GPR158: variants seen among roughly 807,000 people sequenced by gnomAD.
GPR158 encodes metabotropic glycine receptor.
Under a neutral mutation model 78.2 loss-of-function variants are expected in GPR158, and 30 were observed. The ratio of observed to expected loss-of-function variants is 0.38; its 90% CI spans 0.29 to 0.52. GPR158 has a LOEUF of 0.52. Ranked by LOEUF, GPR158 falls within the 20% of genes least tolerant of loss-of-function variation. The probability of loss-of-function intolerance (pLI) is 0.83; values close to 1 mark genes in which losing one functional copy is unlikely to be tolerated. For missense variants in GPR158, 1,463 were observed against 1,523.5 expected (o/e 0.96, Z 0.66); for synonymous variants, 581 against 591.1 (o/e 0.98, Z 0.25).
At chr10:25,274,910 C>T (rs995645831) in intron 2 of GPR158, among the ~76,000 whole-genome samples, 1 of 152,094 alleles carries the variant, frequency 6.6e-6, no homozygotes, top group African/African-American at 2.4e-5. Flanking sequence ...TCTATAAATG[C>T]TGAGTTACGG....
intron 6 of GPR158, among the ~76,000 whole-genome samples, chr10:25,568,244 C>T (rs1422685662): frequency 6.6e-6 from 1 of 152,128 alleles, no homozygotes; most frequent in Admixed American, 6.6e-5. Context: ...GTGGGACTTG[C>T]TGGCATATAG....
At chr10:25,567,084 C>T (rs921300337) in intron 6 of GPR158, among the ~76,000 whole-genome samples, 2 of 152,108 alleles carry the variant, frequency 1.3e-5, no homozygotes, top group Non-Finnish European at 2.9e-5. Context: ...AGGATTATTC[C>T]AATTAAGGTA....
chr10:25,268,544 G>A lies in GPR158; in HGVS notation c.1008+47387G>A, dbSNP rs368172210. Among the ~76,000 whole-genome samples the A allele has an allele frequency of 3.5e-3, 526 of 152,106 alleles. 1 individual carries two copies. The highest frequency in any genetic ancestry group is 0.014 in the Middle Eastern group (4 of 294). Reference sequence around the variant, plus strand: ...GGACCTCCCCCAAAAACTCTGAATCGGTATTCTCAATGAACAGCTTTAAAA... The same window carrying A: ...GGACCTCCCCCAAAAACTCTGAATCAGTATTCTCAATGAACAGCTTTAAAA... On this transcript the variant is annotated intron_variant, in intron 2 of 10. Coordinates refer to ENST00000376351, the MANE Select transcript of GPR158 (RefSeq NM_020752.3).
chr10:25,270,337 T>C (rs1282847014), intron 2 of GPR158, among the ~76,000 whole-genome samples: 3 of 152,176 alleles, frequency 2.0e-5, no homozygotes, highest in African/African-American at 7.2e-5. Flanking sequence ...GATTTTTTTT[T>C]CCTCCGATGT....
chr10:25,317,921 G>C (rs796769541), intron 2 of GPR158, among the ~76,000 whole-genome samples: 5 of 152,070 alleles, frequency 3.3e-5, no homozygotes, highest in African/African-American at 9.7e-5. Flanking sequence ...TAGGGACAGG[G>C]TTTCACCATT....
chr10:25,562,927 T>G (rs1836877369), intron 6 of GPR158, among the ~76,000 whole-genome samples: 2 of 152,212 alleles, frequency 1.3e-5, no homozygotes, highest in African/African-American at 4.8e-5. Flanking sequence ...ATCAGTTCTG[T>G]TCCTGTTTGC....
intron 4 of GPR158, among the ~76,000 whole-genome samples, chr10:25,421,018 A>G (rs1834742827): frequency 6.6e-6 from 1 of 152,150 alleles, no homozygotes; most frequent in South Asian, 2.1e-4. Context: ...GATTTTGATC[A>G]AGTTTGCATT....
chr10:25,494,503 G>A (rs546045418), intron 5 of GPR158, among the ~76,000 whole-genome samples: 1 of 152,134 alleles, frequency 6.6e-6, no homozygotes, highest in South Asian at 2.1e-4. Context: ...TATAAAAATT[G>A]GATTGCTACT....
chr10:25,227,118 G>A (rs941837568), intron 2 of GPR158, among the ~76,000 whole-genome samples: 5 of 152,126 alleles, frequency 3.3e-5, no homozygotes, highest in South Asian at 2.1e-4. Context: ...GCTCTCGAGG[G>A]TTATTTGGAA....
intron 5 of GPR158, among the ~76,000 whole-genome samples, chr10:25,538,126 T>A (rs1836524848): frequency 6.6e-6 from 1 of 152,138 alleles, no homozygotes; most frequent in Non-Finnish European, 1.5e-5. Flanking sequence ...TAGTGTGTGT[T>A]TTTCTCTCAG....
At chr10:25,579,595 G>A (rs1837159461) in intron 7 of GPR158, among the ~76,000 whole-genome samples, 1 of 152,122 alleles carries the variant, frequency 6.6e-6, no homozygotes, top group Non-Finnish European at 1.5e-5. Flanking sequence ...TAGAACAAGT[G>A]GGCAGATTCT....
At chr10:25,540,651 A>T (rs1376791275) in intron 5 of GPR158, among the ~76,000 whole-genome samples, 2 of 152,014 alleles carry the variant, frequency 1.3e-5, no homozygotes, top group African/African-American at 4.8e-5. Context: ...AGGGACATGG[A>T]TGAAGCTGGA....
chr10:25,567,020 C>T (rs566847547), intron 6 of GPR158, among the ~76,000 whole-genome samples: 17 of 152,062 alleles, frequency 1.1e-4, no homozygotes, highest in East Asian at 3.8e-4. Context: ...GGAATTTCTA[C>T]GAACATGGTA....
chr10:25,415,637 C>T (rs1834648465), intron 4 of GPR158, among the ~76,000 whole-genome samples: 1 of 152,026 alleles, frequency 6.6e-6, no homozygotes, highest in Non-Finnish European at 1.5e-5. Context: ...CCAGCAATTC[C>T]ACTCCCAGTA....
intron 3 of GPR158, among the ~76,000 whole-genome samples, chr10:25,409,588 T>TA (rs1056543311): frequency 3.9e-5 from 6 of 152,206 alleles, no homozygotes; most frequent in Admixed American, 6.5e-5. Flanking sequence ...AAACACCTTT[T>TA]AAAAAATCTT....
chr10:25,592,351 T>C (rs906403744), intron 8 of GPR158, among the ~76,000 whole-genome samples: 1 of 152,008 alleles, frequency 6.6e-6, no homozygotes, highest in African/African-American at 2.4e-5. Context: ...TTATAATCCC[T>C]TATCCTTTAT....
At chr10:25,471,909 G>A (rs1295128192) in intron 5 of GPR158, among the ~76,000 whole-genome samples, 3 of 152,010 alleles carry the variant, frequency 2.0e-5, no homozygotes, top group African/African-American at 7.2e-5. Context: ...CCATTTTGTA[G>A]GTTGCCTGTT....
chr10:25,450,318 T>C (rs1835197683), intron 4 of GPR158, among the ~76,000 whole-genome samples: 1 of 151,042 alleles, frequency 6.6e-6, no homozygotes, highest in African/African-American at 2.4e-5. Flanking sequence ...AAGCCGGGGC[T>C]GTTCTGTGCT....
chr10:25,266,283 C>T (rs1588766118), intron 2 of GPR158, among the ~76,000 whole-genome samples: 1 of 152,286 alleles, frequency 6.6e-6, no homozygotes, highest in South Asian at 2.1e-4. Flanking sequence ...TTGTCATTCA[C>T]TTCATGAGGG....
Sources: allele counts gnomAD v4.1 joint callset (sites outside exome capture counted in the v4.1 genomes callset), GRCh38; gene constraint gnomAD v4.1.1; transcripts MANE v1.5; gene names NCBI Gene and HGNC (gene_info 2026-07-23, HGNC 2026-07-21).